Variants in URI1 observed in about 807,000 individuals in gnomAD.
URI1 encodes unconventional prefoldin RPB5 interactor 1.
A neutral mutation model predicts 60.2 loss-of-function variants in URI1; 39 were observed. The observed-to-expected ratio is 0.65, with a 90% CI of 0.50 to 0.85. URI1 has a LOEUF of 0.85. URI1 is among the 40% of genes least tolerant of loss of function. The pLI, the probability that URI1 is intolerant of heterozygous loss-of-function variation, is 0.00. For synonymous variants in URI1, 251 were observed against 236.8 expected (o/e 1.06, Z -0.55); for missense variants, 691 against 665.9 (o/e 1.04, Z -0.42).
intron 2 of URI1, among the ~76,000 whole-genome samples, chr19:29,971,870 A>G (rs751395644): frequency 6.4e-4 from 97 of 152,044 alleles, no homozygotes; most frequent in Admixed American, 3.3e-4. Context: ...ACAGATATCA[A>G]ATTACAATAT....
intron 1 of URI1, among the ~76,000 whole-genome samples, chr19:29,950,084 CTTG>C (rs1199260295): frequency 6.6e-6 from 1 of 152,164 alleles, no homozygotes; most frequent in East Asian, 1.9e-4. Flanking sequence ...AGATAAACTT[CTTG>C]TTGTTGGCAC....
chr19:29,977,027 G>A (rs2055531697), intron 2 of URI1, among the ~76,000 whole-genome samples: 1 of 152,000 alleles, frequency 6.6e-6, no homozygotes, highest in Non-Finnish European at 1.5e-5. Context: ...GAGGAAAAGA[G>A]TAACTAGCTT....
chr19:29,932,145 A>G (rs1221783494), intron 1 of URI1, among the ~76,000 whole-genome samples: 1 of 152,082 alleles, frequency 6.6e-6, no homozygotes, highest in Non-Finnish European at 1.5e-5. Context: ...TTTAGAGGAA[A>G]AAAATCTTCA....
intron 1 of URI1, among the ~76,000 whole-genome samples, chr19:29,966,434 G>A (rs974848417): frequency 6.6e-6 from 1 of 152,118 alleles, no homozygotes; most frequent in African/African-American, 2.4e-5. Context: ...CTCTGCTCAG[G>A]CTATGGTGGT....
upstream of URI1, among the ~76,000 whole-genome samples, chr19:29,937,308 G>A (rs1023022512): frequency 2.6e-5 from 4 of 152,206 alleles, no homozygotes; most frequent in African/African-American, 9.6e-5. Context: ...CTCATTGGGT[G>A]TAAGACAGTT....
intron 4 of URI1, among the ~76,000 whole-genome samples, chr19:29,998,492 C>G (rs1413416642): frequency 1.3e-5 from 2 of 152,170 alleles, no homozygotes; most frequent in Admixed American, 6.5e-5. Flanking sequence ...TACATTTGAG[C>G]TCTGTTAGGT....
intron 1 of URI1, among the ~76,000 whole-genome samples, chr19:29,959,625 G>C (rs973603913): frequency 6.6e-6 from 1 of 152,112 alleles, no homozygotes; most frequent in Non-Finnish European, 1.5e-5. Flanking sequence ...TCCTTTCTAA[G>C]TTTTCAAGCT....
At chr19:29,983,992 CATT>C (rs2055629812) in intron 2 of URI1, among the ~76,000 whole-genome samples, 1 of 152,134 alleles carries the variant, frequency 6.6e-6, no homozygotes, top group Non-Finnish European at 1.5e-5. Flanking sequence ...ACCTTAATCA[CATT>C]ATTATGAATA....
In URI1 at chr19:30,007,649, A is replaced by G. The variant is rs1306491058; in HGVS notation, c.686+11A>G. 2.6e-6 allele frequency: 4 copies of G among 1,567,588 alleles called. No individual in the cohort carries two copies. The highest frequency in any genetic ancestry group is 1.7e-4 in the Middle Eastern group (1 of 5,844). ...GGGTGAACTTGATAGGTACTTGATG[A>G]CAAATTATCTTTCCAAGATAATTTG... On this transcript the variant is annotated intron_variant, in intron 7 of 10. Transcript: ENST00000392271.
intron 4 of URI1, among the ~76,000 whole-genome samples, chr19:30,002,119 T>TATTC (rs2055886210): frequency 6.6e-6 from 1 of 152,060 alleles, no homozygotes; most frequent in Admixed American, 6.6e-5. Context: ...GGCTTCATAC[T>TATTC]ATTCAGTACA....
At chr19:29,963,317 CT>C (rs1160937884) in intron 1 of URI1, among the ~76,000 whole-genome samples, 1 of 151,992 alleles carries the variant, frequency 6.6e-6, no homozygotes, top group Non-Finnish European at 1.5e-5. Flanking sequence ...AATCTCTGGG[CT>C]TTAATTTGGT....
intron 1 of URI1, among the ~76,000 whole-genome samples, chr19:29,929,901 C>T (rs964602737): frequency 2.7e-5 from 4 of 150,852 alleles, no homozygotes; most frequent in Non-Finnish European, 5.9e-5. Flanking sequence ...TGTTTCTTCT[C>T]GTTCTGTGTG....
chr19:29,965,014 A>G (rs747864192), intron 1 of URI1, among the ~76,000 whole-genome samples: 46 of 152,196 alleles, frequency 3.0e-4, no homozygotes, highest in Admixed American at 2.2e-3. Context: ...GAAATTATGA[A>G]ATAATTTACT....
intron 2 of URI1, among the ~76,000 whole-genome samples, chr19:29,973,807 A>G (rs1429669527): frequency 6.6e-6 from 1 of 152,214 alleles, no homozygotes; most frequent in Non-Finnish European, 1.5e-5. Flanking sequence ...ATTCAAGCCT[A>G]TTGGATGAGA....
At position 29,971,199 on chromosome 19, in the gene URI1, A is replaced by G. The variant is rs1233849223; in HGVS notation, c.124A>G (p.Thr42Ala). 2 of 1,613,210 alleles carry G rather than the reference A, an allele frequency of 1.2e-6. No homozygotes were observed. Among genetic ancestry groups the G allele is most frequent in the Non-Finnish European group, 1.7e-6 (2 of 1,179,464 alleles). ...RLREEQEKVV[T>A]NCQERIQHWK... ...TTATCTGTTTTCATGACAGGTGGTCACTAACTGCCAAGAGAGAATCCAGCA... is the reference window on the plus strand; with the variant it reads ...TTATCTGTTTTCATGACAGGTGGTCGCTAACTGCCAAGAGAGAATCCAGCA... Residue 42 changes from threonine (T) to alanine (A), a missense_variant, in exon 2 of 11, where the codon ACT (threonine) becomes GCT (alanine). By Grantham distance (58) the Thr-to-Ala change is moderately conservative (BLOSUM62 0). Coordinates refer to ENST00000392271, the MANE Select transcript of URI1 (RefSeq NM_003796.3).
upstream of URI1, among the ~76,000 whole-genome samples, chr19:29,939,278 A>G (rs1419622357): frequency 7.7e-6 from 1 of 130,002 alleles, no homozygotes; most frequent in Non-Finnish European, 1.7e-5. Flanking sequence ...CGCCTTGCCA[A>G]TTTTTTTTTT....
Position 30,015,508 on chromosome 19 carries a change from A to G in URI1, c.*439A>G. 6.6e-7 allele frequency: 1 copy of G among 1,524,904 alleles called. No homozygotes were observed. The allele number at this position is 1,524,904 out of a possible 1,614,324, so 94.5% of individuals were successfully genotyped here. A position where few individuals can be genotyped will look rare whatever the true frequency, so the allele number is the denominator to read the frequency against. ...TTACTTGCTTTCACATTTTAAAGGC[A>G]CTTTAAAAAAATCTACTTCTCTTGT... On this transcript the variant is annotated 3_prime_UTR_variant, in exon 11 of 11. Transcript: ENST00000392271.
At chr19:29,962,719 A>C (rs1025045649) in intron 1 of URI1, among the ~76,000 whole-genome samples, 1 of 151,884 alleles carries the variant, frequency 6.6e-6, no homozygotes, top group African/African-American at 2.4e-5. Flanking sequence ...ATTTAATAAC[A>C]ATATCTAGTT....
At chr19:30,004,481 A>G (rs1198010014) in intron 4 of URI1, 3 of 152,104 alleles carry the variant, frequency 2.0e-5, no homozygotes, top group Non-Finnish European at 4.4e-5. Context: ...TTTCTCCTCC[A>G]TCCTCTTCTG....
Sources: allele counts gnomAD v4.1 joint callset (sites outside exome capture counted in the v4.1 genomes callset), GRCh38; gene constraint gnomAD v4.1.1; transcripts MANE v1.5; gene names NCBI Gene and HGNC (gene_info 2026-07-23, HGNC 2026-07-21).